The following CAB39L variants were observed in gnomAD, a reference collection of about 807,000 sequenced individuals.
CAB39L encodes the protein calcium-binding protein 39-like.
In CAB39L, 23 loss-of-function variants were observed where a neutral mutation model predicts 39.1. The ratio of observed to expected loss-of-function variants is 0.59; its 90% CI spans 0.42 to 0.83. The LOEUF is 0.83. Among genes scored for constraint, CAB39L ranks in the 40% least tolerant of loss-of-function variants. The pLI, the probability that CAB39L is intolerant of heterozygous loss-of-function variation, is 0.00. For missense variants in CAB39L, 366 were observed against 391.9 expected, an observed-to-expected ratio of 0.93 and a Z score of 0.56; for synonymous variants, 126 against 137.2, an observed-to-expected ratio of 0.92 and a Z score of 0.57.
Position 49,310,348 on chromosome 13 carries a change from A to G in CAB39L, c.*466T>C, listed in dbSNP as rs1434744155. 1 of 156,014 alleles carries G rather than the reference A, an allele frequency of 6.4e-6. No homozygotes were observed. The highest frequency in any genetic ancestry group is 2.4e-5 in the African/African-American group (1 of 41,490). 9.7% of individuals were successfully genotyped at this position (156,014 alleles called of 1,614,324 possible). Reference sequence around the variant, plus strand: ...ACATTGGCAGCAACAAAGGACACACAATGACTGAAAACATTAACGTTACCT... The same window carrying G: ...ACATTGGCAGCAACAAAGGACACACGATGACTGAAAACATTAACGTTACCT... On this transcript the variant is annotated 3_prime_UTR_variant, in exon 11 of 11. Coordinates refer to ENST00000409308, the MANE Select transcript of CAB39L (RefSeq NM_001079670.3).
chr13:49,338,519 T>C (rs9562876), intron 9 of CAB39L, among the ~76,000 whole-genome samples: 120 of 100,324 alleles, frequency 1.2e-3, no homozygotes, highest in East Asian at 2.2e-3. Flanking sequence ...GGGGAGGGGG[T>C]AGGGATAGCA....
At chr13:49,431,178 C>G (rs1957316226) in intron 3 of CAB39L, among the ~76,000 whole-genome samples, 1 of 152,144 alleles carries the variant, frequency 6.6e-6, no homozygotes, top group African/African-American at 2.4e-5. Flanking sequence ...TTGTTGTCTC[C>G]TCTGCATTTG....
intron 3 of CAB39L, among the ~76,000 whole-genome samples, chr13:49,408,607 T>C (rs1166658924): frequency 6.6e-6 from 1 of 152,088 alleles, no homozygotes; most frequent in African/African-American, 2.4e-5. Context: ...GCAGATCACT[T>C]AAGCCCAGAA....
intron 5 of CAB39L, among the ~76,000 whole-genome samples, chr13:49,363,569 T>C (rs931377033): frequency 5.3e-5 from 8 of 150,950 alleles, no homozygotes; most frequent in Non-Finnish European, 1.0e-4. Flanking sequence ...AAAAGGAAGA[T>C]AGAAAGGAAG....
intron 3 of CAB39L, among the ~76,000 whole-genome samples, chr13:49,390,011 C>T (rs61950813): frequency 2.4e-3 from 361 of 152,018 alleles, no homozygotes; most frequent in Non-Finnish European, 4.2e-3. Context: ...TTAGTAGAGA[C>T]GGGGTTTGCC....
intron 3 of CAB39L, among the ~76,000 whole-genome samples, chr13:49,426,833 AC>A (rs980678384): frequency 1.3e-5 from 2 of 152,196 alleles, no homozygotes; most frequent in Non-Finnish European, 2.9e-5. Context: ...GCATTACTAT[AC>A]GTGTTTGTTT....
At position 49,394,470 on chromosome 13, in the gene CAB39L, G is replaced by A. The variant is rs79341003; in HGVS notation, c.-31-11529C>T. On this transcript the variant is annotated intron_variant, in intron 3 of 10. Transcript: ENST00000409308. ...AATTAGACAATAATTTGACAAATAT[G>A]AATCTAGAACCTTAAAATGTTCACA... Among the ~76,000 whole-genome samples, 648 of 152,084 alleles carry A rather than the reference G, an allele frequency of 4.3e-3. 4 individuals are homozygous for A. Among genetic ancestry groups the A allele is most frequent in the African/African-American group, 0.014 (601 of 41,530 alleles).
intron 5 of CAB39L, 57 bp from the exon 6 acceptor site, chr13:49,359,889 G>C (rs867419938): frequency 1.2e-5 from 11 of 933,260 alleles, no homozygotes; most frequent in Middle Eastern, 4.9e-4. Context: ...GAATTGTATA[G>C]TATGTGGAAT....
intron 3 of CAB39L, among the ~76,000 whole-genome samples, chr13:49,385,745 G>A (rs1345997537): frequency 6.6e-6 from 1 of 152,324 alleles, no homozygotes. Flanking sequence ...GGAACGGCCA[G>A]TCGATGGGGC....
intron 1 of CAB39L, among the ~76,000 whole-genome samples, chr13:49,442,803 A>AC (rs1555268532): frequency 7.3e-5 from 11 of 150,840 alleles, no homozygotes; most frequent in Non-Finnish European, 1.0e-4. Flanking sequence ...AAAAAAAAAA[A>AC]AAAAAAAAAA....
chr13:49,423,912 G>A (rs1387840033), intron 3 of CAB39L, among the ~76,000 whole-genome samples: 1 of 152,194 alleles, frequency 6.6e-6, no homozygotes, highest in Non-Finnish European at 1.5e-5. Flanking sequence ...AAATTTCTAA[G>A]TTATAACTTC....
chr13:49,367,641 G>A (rs9535212), intron 5 of CAB39L, among the ~76,000 whole-genome samples: 4,594 of 152,298 alleles, frequency 0.03, 93 homozygotes, highest in Non-Finnish European at 0.049. Context: ...TATAGGCCGG[G>A]CACGGTGGCT....
At chr13:49,437,916 G>A (rs1265387089) in intron 1 of CAB39L, among the ~76,000 whole-genome samples, 1 of 152,098 alleles carries the variant, frequency 6.6e-6, no homozygotes, top group African/African-American at 2.4e-5. Context: ...GACCTCCTGC[G>A]TTCAAGAGAT....
chr13:49,411,536 T>C (rs1251044191), intron 3 of CAB39L, among the ~76,000 whole-genome samples: 1 of 152,200 alleles, frequency 6.6e-6, no homozygotes, highest in Non-Finnish European at 1.5e-5. Flanking sequence ...TGTATGTATT[T>C]GTTTGAATAC....
At chr13:49,434,799 A>G (rs9568203) in intron 1 of CAB39L, among the ~76,000 whole-genome samples, 13,917 of 152,244 alleles carry the variant, frequency 0.091, 857 homozygotes, top group South Asian at 0.27. Flanking sequence ...TATCCCACCA[A>G]GAAAGTACAT....
At position 49,310,932 on chromosome 13, in the gene CAB39L, G is replaced by T; in HGVS notation, c.896C>A (p.Pro299His). ...GCTGCTCAGAAACTCAATGAGTTTG[G>T]GCTGATTTTTTAACAGGATCTCCAC... The part of the protein sequence containing the change: ...PIVEILLKNQ[P>H]KLIEFLSSFQ... Residue 299 changes from proline to histidine, a missense_variant, in exon 11 of 11, where the codon CCC becomes CAC. Transcript: ENST00000409308. 1.9e-6 allele frequency: 3 copies of T among 1,614,126 alleles called. No homozygotes were observed.
chr13:49,363,484 T>C (rs1377138435), intron 5 of CAB39L, among the ~76,000 whole-genome samples: 1 of 151,272 alleles, frequency 6.6e-6, no homozygotes, highest in African/African-American at 2.4e-5. Context: ...ACCTCAAATA[T>C]AAAAATACAA....
chr13:49,376,030 G>A (rs1264682624), intron 5 of CAB39L, among the ~76,000 whole-genome samples: 1 of 152,096 alleles, frequency 6.6e-6, no homozygotes, highest in Non-Finnish European at 1.5e-5. Context: ...ATCTTCCCTG[G>A]TCTAACTTGT....
At chr13:49,371,181 T>C (rs1229354017) in intron 5 of CAB39L, among the ~76,000 whole-genome samples, 2 of 130,214 alleles carry the variant, frequency 1.5e-5, no homozygotes, top group African/African-American at 2.9e-5. Flanking sequence ...TTCTTTTTCT[T>C]TTTCTTTCTT....
Sources: allele counts gnomAD v4.1 joint callset (sites outside exome capture counted in the v4.1 genomes callset), GRCh38; gene constraint gnomAD v4.1.1; transcripts MANE v1.5; gene names NCBI Gene and HGNC (gene_info 2026-07-23, HGNC 2026-07-21).